Variants in FLOT2 observed in about 807,000 individuals in gnomAD.
FLOT2 encodes flotillin-2.
FLOT2 carries 35 observed loss-of-function variants against 54.9 expected under a neutral mutation model. The observed-to-expected ratio is 0.64, with a 90% CI of 0.49 to 0.84. FLOT2 has a LOEUF of 0.84. Among genes scored for constraint, FLOT2 ranks in the 40% least tolerant of loss-of-function variants. The pLI, the probability that FLOT2 is intolerant of heterozygous loss-of-function variation, is 0.00. For synonymous variants in FLOT2, 207 were observed against 228.9 expected (o/e 0.90, Z 0.86); for missense variants, 464 against 572.1 (o/e 0.81, Z 1.93).
intron 1 of FLOT2, among the ~76,000 whole-genome samples, chr17:28,892,033 G>C (rs562268771): frequency 4.5e-4 from 69 of 152,028 alleles, no homozygotes; most frequent in Non-Finnish European, 9.4e-4. Context: ...CTGGGTCTCT[G>C]TCTGTTTCTC....
In FLOT2 at chr17:28,880,567, C is replaced by A. The variant is rs1407716569; in HGVS notation, c.1281G>T (p.Gln427His). Residue 427 changes from glutamine (Q) to histidine (H), a missense_variant, in exon 11 of 11, where the codon CAG becomes CAT. By Grantham distance (24) the Gln-to-His change is conservative (BLOSUM62 0). Transcript: ENST00000394908. ...IPLIKKATGV[Q>H]V ...GAGTGGGCCTGCAGGAGCCTCACACCTGCACACCAGTGGCCTTCTTGATCA... is the reference window on the plus strand; with the variant it reads ...GAGTGGGCCTGCAGGAGCCTCACACATGCACACCAGTGGCCTTCTTGATCA... The A allele has an allele frequency of 3.1e-6, 5 of 1,614,010 alleles. No individual in the cohort carries two copies. The highest frequency in any genetic ancestry group is 1.1e-5 in the South Asian group (1 of 91,046).
chr17:28,885,573 C>A, intron 2 of FLOT2: 1 of 717,428 alleles, frequency 1.4e-6, no homozygotes, highest in Non-Finnish European at 2.6e-6. Flanking sequence ...CCAGCTATGG[C>A]TGCATGGTAA....
Position 28,879,935 on chromosome 17 carries a change from A to T in FLOT2, c.*626T>A, listed in dbSNP as rs2039419252. 1 of 986,200 alleles carries T rather than the reference A, an allele frequency of 1.0e-6. No homozygotes were observed. The highest frequency in any genetic ancestry group is 6.1e-5 in the Admixed American group (1 of 16,292). The allele number at this position is 986,200 out of a possible 1,614,324, so 61.1% of individuals were successfully genotyped here. ...TGCCTCTGTGCCCTTGGGGTCAGGGAGAAAGGACAGGGTATGAGCGCTGGC... is the reference window on the plus strand; with the variant it reads ...TGCCTCTGTGCCCTTGGGGTCAGGGTGAAAGGACAGGGTATGAGCGCTGGC... On this transcript the variant is annotated 3_prime_UTR_variant, in exon 11 of 11. Transcript: ENST00000394908.
At chr17:28,881,048 C>T in intron 9 of FLOT2, 144 bp downstream of exon 9, 8 of 1,025,758 alleles carry the variant, frequency 7.8e-6, no homozygotes, top group Non-Finnish European at 1.1e-5. Context: ...AGGGTTCCTG[C>T]CCCCTGCTGA....
chr17:28,880,912 C>T, intron 9 of FLOT2, 50 bp from the exon 10 acceptor site: 2 of 1,601,116 alleles, frequency 1.2e-6, no homozygotes, highest in Non-Finnish European at 1.7e-6. Flanking sequence ...ACTCTGTTCT[C>T]AGCCCGGTCC....
chr17:28,886,067 G>GCGCCC, intron 2 of FLOT2: 1 of 579,698 alleles, frequency 1.7e-6, no homozygotes, highest in Non-Finnish European at 3.2e-6. Context: ...GCGGGGGGGG[G>GCGCCC]CATGCTGTCA....
Position 28,882,032 on chromosome 17 carries a change from TG to T in FLOT2, c.700-5del. ...AGGCCAACTGGGCCTCAGCTGTCTG[TG>T]GCAAGAGGGTGTGTGGCACATTAGA... On this transcript the variant is annotated splice_polypyrimidine_tract_variant and splice_region_variant and intron_variant, in intron 7 of 10. Coordinates refer to ENST00000394908, the MANE Select transcript of FLOT2 (RefSeq NM_004475.3). This position sits in a 1 kb window ranked among gnomAD's most constrained non-coding sequence, Gnocchi z 5.6. 6.2e-7 allele frequency: 1 copy of T among 1,614,114 alleles called. No individual in the cohort carries two copies. The highest frequency in any genetic ancestry group is 8.5e-7 in the Non-Finnish European group (1 of 1,179,996).
Position 28,883,354 on chromosome 17 carries a change from T to C in FLOT2, c.223-123A>G, listed in dbSNP as rs1425130349. The C allele has an allele frequency of 2.5e-6, 3 of 1,218,892 alleles. No homozygotes were observed. Among genetic ancestry groups the C allele is most frequent in the African/African-American group, 3.0e-5 (2 of 66,412 alleles). 75.5% of individuals were successfully genotyped at this position (1,218,892 alleles called of 1,614,324 possible). ...TTCCTTTTTTCAGACCTGGAGGCCC[T>C]GGGGGGCTGGAATCTGTCTGAAGCC... On this transcript the variant is annotated intron_variant, in intron 3 of 10. Coordinates refer to ENST00000394908, the MANE Select transcript of FLOT2 (RefSeq NM_004475.3). This position sits in a 1 kb window ranked among gnomAD's most constrained non-coding sequence, Gnocchi z 5.0.
chr17:28,888,805 A>ACCCCCCCCCCCCC, intron 2 of FLOT2, 140 bp downstream of exon 2: 2 of 393,058 alleles, frequency 5.1e-6, no homozygotes, highest in East Asian at 7.1e-5. Flanking sequence ...GTCCCCCCCA[A>ACCCCCCCCCCCCC]CCCCACCCCT....
chr17:28,897,433 G>A lies in FLOT2; in HGVS notation c.49+93C>T, dbSNP rs1392035176. The A allele has an allele frequency of 8.8e-6, 11 of 1,251,616 alleles. No homozygotes were observed. The African/African-American group carries it at 1.6e-4, about 18-fold the overall frequency. 77.5% of individuals were successfully genotyped at this position (1,251,616 alleles called of 1,614,324 possible). ...GGGCCAGCGCCCTGCGCCGCGCGGT[G>A]GACTCAGGCCCAGCTCTTCCCCGTG... On this transcript the variant is annotated intron_variant, in intron 1 of 10. Coordinates refer to ENST00000394908, the MANE Select transcript of FLOT2 (RefSeq NM_004475.3). This position sits in a 1 kb window ranked among gnomAD's most constrained non-coding sequence, Gnocchi z 4.4.
chr17:28,882,796 T>G lies in FLOT2; in HGVS notation c.347-105A>C, dbSNP rs1203490500. On this transcript the variant is annotated intron_variant, in intron 4 of 10. Coordinates refer to ENST00000394908, the MANE Select transcript of FLOT2 (RefSeq NM_004475.3). This position sits in a 1 kb window ranked among gnomAD's most constrained non-coding sequence, Gnocchi z 5.6. ...GGGGTGCATGCGGGGTGCTGCACTCTGAGCTGGGTCTTCCTGGGGTATCTT... is the reference window on the plus strand; with the variant it reads ...GGGGTGCATGCGGGGTGCTGCACTCGGAGCTGGGTCTTCCTGGGGTATCTT... 14 of 768,732 alleles carry G rather than the reference T, an allele frequency of 1.8e-5. No individual in the cohort carries two copies. The highest frequency in any genetic ancestry group is 3.1e-5 in the Non-Finnish European group (14 of 450,356). The allele number at this position is 768,732 out of a possible 1,614,324, so 47.6% of individuals were successfully genotyped here.
chr17:28,896,795 G>A (rs1018208088), intron 1 of FLOT2, among the ~76,000 whole-genome samples: 4 of 152,098 alleles, frequency 2.6e-5, no homozygotes, highest in African/African-American at 9.7e-5. Context: ...TGAGAGCAAG[G>A]AGCTGCACAA....
rs2039453364 is a variant in FLOT2, at chr17:28,881,817, T to G, written c.911A>C (p.Glu304Ala). ...CCGGCACCTGGGCGGCTCTCACTTTTCACCCTCGGCAATCTGCTGGATGCG... is the reference window on the plus strand; with the variant it reads ...CCGGCACCTGGGCGGCTCTCACTTTGCACCCTCGGCAATCTGCTGGATGCG... ...AHRIQQIAEG[E>A]KVKQVLLAQA... Residue 304 changes from glutamate (E) to alanine (A), a missense_variant, in exon 8 of 11, where the codon GAA becomes GCA. Transcript: ENST00000394908. 1.2e-6 allele frequency: 2 copies of G among 1,612,958 alleles called. No homozygotes were observed. The highest frequency in any genetic ancestry group is 1.7e-6 in the Non-Finnish European group (2 of 1,180,000).
chr17:28,881,057 G>A (rs2039438450), intron 9 of FLOT2, 135 bp downstream of exon 9: 1 of 1,037,308 alleles, frequency 9.6e-7, no homozygotes, highest in Non-Finnish European at 1.4e-6. Context: ...GCCCCCTGCT[G>A]AGGATGCTCC....
Position 28,897,675 on chromosome 17 carries a change from G to A in FLOT2, c.-101C>T, listed in dbSNP as rs147520554. On this transcript the variant is annotated 5_prime_UTR_variant, in exon 1 of 11. Transcript: ENST00000394908. This position sits in a 1 kb window ranked among gnomAD's most constrained non-coding sequence, Gnocchi z 4.4. ...CCCAGCCTATCCCGCCACCCCCAGC[G>A]GCCGGCCGCCCGCTCGCTCGCCCGC... 5 of 1,100,134 alleles carry A rather than the reference G, an allele frequency of 4.5e-6. No individual in the cohort carries two copies. Among genetic ancestry groups the A allele is most frequent in the South Asian group, 3.7e-5 (1 of 27,196 alleles). The allele number at this position is 1,100,134 out of a possible 1,614,324, so 68.1% of individuals were successfully genotyped here.
chr17:28,895,648 A>C (rs2039728657), intron 1 of FLOT2, among the ~76,000 whole-genome samples: 2 of 152,346 alleles, frequency 1.3e-5, no homozygotes, highest in South Asian at 4.1e-4. Context: ...CAACATTCAT[A>C]ATCACAGAAA....
chr17:28,880,374 G>A lies in FLOT2; in HGVS notation c.*187C>T, dbSNP rs2039425468. The A allele has an allele frequency of 6.9e-7, 1 of 1,446,502 alleles. No homozygotes were observed. The highest frequency in any genetic ancestry group is 2.5e-5 in the East Asian group (1 of 40,526). 89.6% of individuals were successfully genotyped at this position (1,446,502 alleles called of 1,614,324 possible). On this transcript the variant is annotated 3_prime_UTR_variant, in exon 11 of 11. Transcript: ENST00000394908. ...GGCAGTGAAAGTGGGGTAAAGGAGA[G>A]GAAGAGGAGGAGGTGGACAGACAGG... is the stretch of plus-strand genomic sequence containing the variant.
At chr17:28,892,017 G>A (rs576631236) in intron 1 of FLOT2, among the ~76,000 whole-genome samples, 31 of 152,272 alleles carry the variant, frequency 2.0e-4, no homozygotes, top group Admixed American at 4.6e-4. Context: ...ACAGTAAGAC[G>A]GGGTCCTGGG....
At chr17:28,888,169 C>T (rs1436756865) in intron 2 of FLOT2, among the ~76,000 whole-genome samples, 10 of 152,328 alleles carry the variant, frequency 6.6e-5, no homozygotes, top group East Asian at 1.9e-4. Flanking sequence ...CCCTCCCCAC[C>T]GCCCCATCTC....
Sources: gnomAD v4.1 joint callset for allele counts (sites outside exome capture counted in the v4.1 genomes callset) on GRCh38, gnomAD v4.1.1 for gene constraint, Gnocchi (gnomAD v3.1) non-coding constraint, MANE v1.5 for transcripts, NCBI Gene and HGNC (gene_info 2026-07-23, HGNC 2026-07-21) for gene names.